Variants in TENM1 observed in about 807,000 individuals in gnomAD.
The protein encoded by TENM1 is teneurin transmembrane protein 1.
In TENM1, 35 loss-of-function variants were observed where a neutral mutation model predicts 174.8. That is an observed-to-expected ratio of 0.20 (90% CI 0.15 to 0.27). The LOEUF is 0.27. Ranked by LOEUF, TENM1 falls within the 10% of genes least tolerant of loss-of-function variation. TENM1 has a pLI of 1.00. For synonymous variants in TENM1, 781 were observed against 798.7 expected, an observed-to-expected ratio of 0.98 and a Z score of 0.37; for missense variants, 1,633 against 2,130.1, an observed-to-expected ratio of 0.77 and a Z score of 4.59.
exon 4 of TENM1, chrX:124,737,103 G>C: frequency 8.3e-7 from 1 of 1,210,971 alleles, no homozygotes; most frequent in South Asian, 1.8e-5. Flanking sequence ...CCGCTGCAGG[G>C]GGTGGCTTCC....
At chrX:124,386,703 G>A (rs946738620) in intron 28 of TENM1, among the ~76,000 whole-genome samples, 1 of 110,301 alleles carries the variant, frequency 9.1e-6, no homozygotes, top group Admixed American at 9.7e-5. Context: ...GGGAGTCATC[G>A]AAGGGTTTCT....
intron 3 of TENM1, among the ~76,000 whole-genome samples, chrX:124,789,354 TGGGGATTAA>T (rs2055122636): frequency 9.0e-6 from 1 of 111,426 alleles, no homozygotes; most frequent in African/African-American, 3.3e-5. Flanking sequence ...TCCATTGTCT[TGGGGATTAA>T]CATTTGTCTC....
At chrX:124,864,811 T>A (rs1038800580) in intron 3 of TENM1, among the ~76,000 whole-genome samples, 1 of 110,036 alleles carries the variant, frequency 9.1e-6, no homozygotes, top group East Asian at 2.8e-4. Context: ...AAGGCATTTA[T>A]TAATAATACA....
chrX:124,387,889 C>T (rs773481449), intron 28 of TENM1, among the ~76,000 whole-genome samples: 87 of 112,097 alleles, frequency 7.8e-4, no homozygotes, highest in African/African-American at 2.8e-3. Flanking sequence ...TGAAAACCTC[C>T]TGAACAAAAG....
At chrX:124,412,270 G>A (rs1455389250) in intron 25 of TENM1, among the ~76,000 whole-genome samples, 1 of 113,057 alleles carries the variant, frequency 8.8e-6, no homozygotes, top group Non-Finnish European at 1.9e-5. Flanking sequence ...GTGCACACAT[G>A]TGCACCCCAG....
At chrX:124,544,362 C>T in intron 15 of TENM1, among the ~76,000 whole-genome samples, 1 of 112,257 alleles carries the variant, frequency 8.9e-6, no homozygotes, top group Non-Finnish European at 1.9e-5. Flanking sequence ...TGACCCTGAA[C>T]AAGTCATTTA....
chrX:124,906,022 T>G (rs1023008698), intron 1 of TENM1, among the ~76,000 whole-genome samples: 3 of 112,049 alleles, frequency 2.7e-5, no homozygotes, highest in Non-Finnish European at 3.8e-5. Flanking sequence ...CGACTTACAA[T>G]GGGGTAACAT....
At chrX:124,869,061 C>A (rs1286883353) in intron 3 of TENM1, among the ~76,000 whole-genome samples, 1 of 93,738 alleles carries the variant, frequency 1.1e-5, no homozygotes, top group Non-Finnish European at 2.1e-5. Flanking sequence ...ACCGTCTCTA[C>A]CAAAAAAAAA....
the TENM1 span, among the ~76,000 whole-genome samples, chrX:124,985,484 G>A: frequency 1.8e-5 from 2 of 111,968 alleles, no homozygotes; most frequent in Non-Finnish European, 3.8e-5. Flanking sequence ...TATGTTGAGC[G>A]ATAAGTAGTC....
At chrX:125,058,079 G>T in the TENM1 span, among the ~76,000 whole-genome samples, 3 of 111,804 alleles carry the variant, frequency 2.7e-5, no homozygotes, top group East Asian at 8.4e-4. Context: ...AAGAAAAAGT[G>T]GTGAATCTTG....
chrX:125,151,653 A>T, the TENM1 span, among the ~76,000 whole-genome samples: 1 of 112,228 alleles, frequency 8.9e-6, no homozygotes, highest in Non-Finnish European at 1.9e-5. Context: ...TTTCAGTGAA[A>T]GGCCAGGTCC....
At chrX:124,740,411 C>T (rs1478106501) in intron 3 of TENM1, among the ~76,000 whole-genome samples, 2 of 106,444 alleles carry the variant, frequency 1.9e-5, no homozygotes, top group Admixed American at 9.8e-5. Context: ...AATTTTACTT[C>T]ATTGAAAAGT....
chrX:124,714,823 T>A (rs1326275576), intron 4 of TENM1, among the ~76,000 whole-genome samples: 1 of 111,937 alleles, frequency 8.9e-6, no homozygotes, highest in East Asian at 2.8e-4. Flanking sequence ...CAATGTTTGA[T>A]CAAGTTGCTT....
chrX:124,931,017 G>A (rs1031498380), intron 1 of TENM1, among the ~76,000 whole-genome samples: 7 of 111,389 alleles, frequency 6.3e-5, no homozygotes, highest in African/African-American at 2.0e-4. Context: ...AGCATGTGGC[G>A]ACTGGCAGTC....
the TENM1 span, among the ~76,000 whole-genome samples, chrX:124,997,986 T>C: frequency 3.7e-5 from 4 of 108,988 alleles, no homozygotes; most frequent in African/African-American, 1.3e-4. Context: ...ACATCAGTTG[T>C]CCATATTCAT....
chrX:125,125,971 C>T, the TENM1 span, among the ~76,000 whole-genome samples: 6 of 111,594 alleles, frequency 5.4e-5, no homozygotes, highest in Non-Finnish European at 1.1e-4. Flanking sequence ...TATGCTAGTC[C>T]CAAAGCATTT....
intron 16 of TENM1, among the ~76,000 whole-genome samples, chrX:124,526,829 T>C (rs1165817778): frequency 8.9e-6 from 1 of 112,199 alleles, no homozygotes. Flanking sequence ...AAGGGAACCC[T>C]CTCTTCATCT....
At chrX:124,733,715 TA>T (rs1186281027) in intron 4 of TENM1, among the ~76,000 whole-genome samples, 1 of 112,480 alleles carries the variant, frequency 8.9e-6, no homozygotes, top group Non-Finnish European at 1.9e-5. Context: ...TCAAATGTAC[TA>T]AAAAGGTACT....
the TENM1 span, among the ~76,000 whole-genome samples, chrX:125,002,080 T>C: frequency 9.0e-6 from 1 of 111,545 alleles, no homozygotes; most frequent in African/African-American, 3.3e-5. Flanking sequence ...TGTTTAAGTT[T>C]ATTCCTTCTT....
Sources: allele counts gnomAD v4.1 joint callset (sites outside exome capture counted in the v4.1 genomes callset), GRCh38; gene constraint gnomAD v4.1.1; transcripts MANE v1.5; gene names NCBI Gene and HGNC (gene_info 2026-07-23, HGNC 2026-07-21).